DCDC1: variants seen among roughly 807,000 people sequenced by gnomAD.
DCDC1 encodes doublecortin domain containing 1, also known as doublecortin domain-containing protein 1.
Under a neutral mutation model 178.3 loss-of-function variants are expected in DCDC1, and 200 were observed. That is an observed-to-expected ratio of 1.12 (90% confidence interval 1.00 to 1.26). The LOEUF is 1.26. Ranked by LOEUF, DCDC1 falls within the 50% of genes most tolerant of loss-of-function variation. The pLI is 0.00. For missense variants in DCDC1, 1,983 were observed against 1,749.2 expected, an observed-to-expected ratio of 1.13 and a Z score of -2.38; for synonymous variants, 690 against 604.8, an observed-to-expected ratio of 1.14 and a Z score of -2.07.
intron 7 of DCDC1, among the ~76,000 whole-genome samples, chr11:31,266,206 G>A (rs1945148475): frequency 6.6e-6 from 1 of 152,112 alleles, no homozygotes; most frequent in Non-Finnish European, 1.5e-5. Context: ...GGTTTTCCAT[G>A]AATATGAGTC....
chr11:31,237,755 T>C (rs1976632012), intron 9 of DCDC1, among the ~76,000 whole-genome samples: 1 of 152,094 alleles, frequency 6.6e-6, no homozygotes, highest in Non-Finnish European at 1.5e-5. Flanking sequence ...GAGAATACTT[T>C]GGTTTATTTA....
chr11:30,922,446 A>T, intron 24 of DCDC1, 57 bp downstream of exon 24: 1 of 1,425,264 alleles, frequency 7.0e-7, no homozygotes, highest in Non-Finnish European at 9.2e-7. Flanking sequence ...AAAAAGCAAT[A>T]TCATCAAGCA....
chr11:30,943,692 C>A, intron 21 of DCDC1: 1 of 447,074 alleles, frequency 2.2e-6, no homozygotes. Context: ...ACAAAAGAAA[C>A]CAAAAGAATT....
chr11:31,172,302 A>T (rs1967343305), intron 9 of DCDC1, among the ~76,000 whole-genome samples: 1 of 152,224 alleles, frequency 6.6e-6, no homozygotes, highest in South Asian at 2.1e-4. Flanking sequence ...GAATTCTAAG[A>T]TTATTTTAAT....
chr11:31,188,640 A>G (rs1216738832), intron 9 of DCDC1, among the ~76,000 whole-genome samples: 1 of 152,204 alleles, frequency 6.6e-6, no homozygotes. Context: ...CCAAACAAAC[A>G]GGTACTTACT....
At chr11:31,042,516 A>T (rs1565212947) in intron 20 of DCDC1, among the ~76,000 whole-genome samples, 1 of 152,142 alleles carries the variant, frequency 6.6e-6, no homozygotes, top group Non-Finnish European at 1.5e-5. Context: ...CTTCATTTTT[A>T]GTAGCAGGAT....
rs191738714 is a variant in DCDC1, at chr11:30,992,335, C to T, written c.2592-39767G>A. ...ACCCCTTGCAGTGAACAAATAATGA[C>T]TGACAAACCAAGACAGGCTACTTAA... On this transcript the variant is annotated intron_variant, in intron 20 of 38. Coordinates refer to ENST00000684477, the MANE Select transcript of DCDC1 (RefSeq NM_001387274.1). 9 of 152,260 alleles carry T rather than the reference C, an allele frequency of 5.9e-5. No homozygotes were observed. In the East Asian group the frequency reaches 1.7e-3, roughly 29 times the overall value. 9.4% of individuals were successfully genotyped at this position (152,260 alleles called of 1,614,324 possible). A position where few individuals can be genotyped will look rare whatever the true frequency, so the allele number is the denominator to read the frequency against.
At chr11:30,898,166 G>A (rs981970752) in intron 34 of DCDC1, among the ~76,000 whole-genome samples, 6 of 152,164 alleles carry the variant, frequency 3.9e-5, no homozygotes, top group Admixed American at 6.5e-5. Flanking sequence ...AAAGGGCCAC[G>A]CTGAGGAGTT....
intron 9 of DCDC1, among the ~76,000 whole-genome samples, chr11:31,191,831 A>G (rs534796543): frequency 1.6e-4 from 25 of 152,100 alleles, no homozygotes; most frequent in African/African-American, 6.0e-4. Flanking sequence ...TTGCTTGGTC[A>G]TACATTTTCC....
At chr11:31,096,485 G>A (rs747192987) in intron 15 of DCDC1, among the ~76,000 whole-genome samples, 30 of 152,266 alleles carry the variant, frequency 2.0e-4, no homozygotes, top group South Asian at 4.1e-4. Flanking sequence ...TGCTGCCAGC[G>A]CCTATATTCT....
At chr11:31,045,141 T>C (rs1222653751) in intron 20 of DCDC1, among the ~76,000 whole-genome samples, 2 of 152,170 alleles carry the variant, frequency 1.3e-5, no homozygotes, top group Non-Finnish European at 2.9e-5. Context: ...AATATACTTA[T>C]ATGTATATGT....
rs898962070 is a variant in DCDC1, at chr11:31,145,852, C to T, written c.1222-8068G>A. Among the ~76,000 whole-genome samples, 5 of 152,178 alleles carry T rather than the reference C, an allele frequency of 3.3e-5. No homozygotes were observed. In the South Asian group the frequency reaches 1.0e-3, roughly 32 times the overall value. ...ACCCTAAATATGTGCAGTGTGGCTGCATTTATTCCTCTCCTTTGTCTTATA... is the reference window on the plus strand; with the variant it reads ...ACCCTAAATATGTGCAGTGTGGCTGTATTTATTCCTCTCCTTTGTCTTATA... On this transcript the variant is annotated intron_variant, in intron 9 of 38. Transcript: ENST00000684477.
chr11:31,174,556 C>T (rs757868017), intron 9 of DCDC1, among the ~76,000 whole-genome samples: 1 of 152,182 alleles, frequency 6.6e-6, no homozygotes, highest in South Asian at 2.1e-4. Flanking sequence ...TCGTGAAGCC[C>T]CACCTTCAGA....
Position 30,885,981 on chromosome 11 carries a change from C to T in DCDC1, c.5083-4673G>A, listed in dbSNP as rs1303971049. 2.0e-5 allele frequency among the ~76,000 whole-genome samples: 3 copies of T among 152,006 alleles called. No homozygotes were observed. The East Asian group carries it at 5.8e-4, about 29-fold the overall frequency. On this transcript the variant is annotated intron_variant, in intron 36 of 38. Transcript: ENST00000684477. ...AAAACTGGTTGAATAAATAATACAT[C>T]AATTTGATAGAAGGTTATGACGCCG...
chr11:30,884,608 T>TG (rs1943000335), intron 36 of DCDC1, among the ~76,000 whole-genome samples: 1 of 151,960 alleles, frequency 6.6e-6, no homozygotes, highest in African/African-American at 2.4e-5. Flanking sequence ...TCACTGAAAA[T>TG]AGGCATTTTG....
At chr11:31,170,906 C>T (rs992509614) in intron 9 of DCDC1, among the ~76,000 whole-genome samples, 8 of 151,894 alleles carry the variant, frequency 5.3e-5, no homozygotes, top group Non-Finnish European at 8.8e-5. Context: ...CTTGGCTCAC[C>T]GCAACCTTGC....
At position 30,892,858 on chromosome 11, in the gene DCDC1, G is replaced by C. The variant is rs746972463; in HGVS notation, c.5042C>G (p.Pro1681Arg). Residue 1681 changes from proline (P) to arginine (R), a missense_variant, in exon 36 of 39, where the codon CCT (proline) becomes CGT (arginine). Coordinates refer to ENST00000684477, the MANE Select transcript of DCDC1 (RefSeq NM_001387274.1). ...GCCCCAGGCATAAGTGCCATCTTCAGGTCTGCCTCCATTTAGATAAATCCA... is the reference window on the plus strand; with the variant it reads ...GCCCCAGGCATAAGTGCCATCTTCACGTCTGCCTCCATTTAGATAAATCCA... Reference protein sequence around the residue: ...RVWIYLNGGRPEDGTYAWGKT... With the variant: ...RVWIYLNGGRREDGTYAWGKT... 1 of 1,613,850 alleles carries C rather than the reference G, an allele frequency of 6.2e-7. No individual in the cohort carries two copies. The highest frequency in any genetic ancestry group is 8.5e-7 in the Non-Finnish European group (1 of 1,179,824).
intron 8 of DCDC1, among the ~76,000 whole-genome samples, chr11:31,247,055 T>C (rs779516475): frequency 1.5e-4 from 23 of 152,058 alleles, no homozygotes; most frequent in African/African-American, 4.6e-4. Context: ...GTAAGAGACA[T>C]TGATTTGTAC....
intron 9 of DCDC1, among the ~76,000 whole-genome samples, chr11:31,141,827 A>T (rs984546082): frequency 1.3e-5 from 2 of 152,240 alleles, no homozygotes; most frequent in Non-Finnish European, 2.9e-5. Context: ...AATGGAGAAG[A>T]AGTAGTTTGC....
Sources: allele counts gnomAD v4.1 joint callset (sites outside exome capture counted in the v4.1 genomes callset), GRCh38; gene constraint gnomAD v4.1.1; transcripts MANE v1.5; gene names NCBI Gene and HGNC (gene_info 2026-07-23, HGNC 2026-07-21).